Variants in MEIS2 observed in about 807,000 individuals in gnomAD.
MEIS2 encodes the protein homeobox protein Meis2.
Under a neutral mutation model 58.6 loss-of-function variants are expected in MEIS2, and 9 were observed. The observed-to-expected ratio is 0.15, with a 90% CI of 0.09 to 0.27. The LOEUF (loss-of-function observed/expected upper bound fraction) is 0.27. Ranked by LOEUF, MEIS2 falls within the 10% of genes least tolerant of loss-of-function variation. The pLI is 1.00. For synonymous variants in MEIS2, 221 were observed against 228.4 expected, an observed-to-expected ratio of 0.97 and a Z score of 0.29; for missense variants, 427 against 635.0, an observed-to-expected ratio of 0.67 and a Z score of 3.52.
chr15:37,068,612 T>A (rs1890274413), intron 7 of MEIS2, among the ~76,000 whole-genome samples: 1 of 152,148 alleles, frequency 6.6e-6, no homozygotes, highest in South Asian at 2.1e-4. Flanking sequence ...ACTAGATGAG[T>A]GGCCCTCCAT....
intron 7 of MEIS2, among the ~76,000 whole-genome samples, chr15:37,075,045 A>C (rs556399584): frequency 3.9e-5 from 6 of 152,080 alleles, no homozygotes; most frequent in Non-Finnish European, 7.4e-5. Context: ...AGGCTCCTTT[A>C]CCTGTGTGTG....
intron 7 of MEIS2, among the ~76,000 whole-genome samples, chr15:37,078,907 G>A (rs1343551330): frequency 6.6e-6 from 1 of 151,944 alleles, no homozygotes; most frequent in Non-Finnish European, 1.5e-5. Context: ...TCTCAAGTAA[G>A]TTGATACATA....
intron 8 of MEIS2, among the ~76,000 whole-genome samples, chr15:36,976,819 G>A (rs1051466189): frequency 9.2e-5 from 14 of 152,090 alleles, no homozygotes; most frequent in Non-Finnish European, 1.3e-4. Flanking sequence ...CCCTGCCTTC[G>A]AAAACTTAAA....
At chr15:37,009,985 C>G (rs1208278312) in intron 8 of MEIS2, among the ~76,000 whole-genome samples, 2 of 152,164 alleles carry the variant, frequency 1.3e-5, no homozygotes, top group African/African-American at 4.8e-5. Context: ...AATGTCCTTA[C>G]AGTTAATGGA....
At chr15:37,015,853 A>G (rs1021931976) in intron 8 of MEIS2, among the ~76,000 whole-genome samples, 4 of 152,044 alleles carry the variant, frequency 2.6e-5, no homozygotes, top group African/African-American at 7.2e-5. Context: ...ATGCTTTTAC[A>G]TTCTACATAT....
At chr15:36,899,806 T>C (rs2056377936) in intron 9 of MEIS2, among the ~76,000 whole-genome samples, 1 of 152,164 alleles carries the variant, frequency 6.6e-6, no homozygotes, top group African/African-American at 2.4e-5. Context: ...TTTTGATGAG[T>C]TAAGTGTAAA....
intron 8 of MEIS2, chr15:36,972,923 T>C (rs908229712): frequency 6.6e-6 from 1 of 152,150 alleles, no homozygotes; most frequent in African/African-American, 2.4e-5. Context: ...TAAGAAACAA[T>C]TTCTTTGTAT....
chr15:36,982,612 T>C (rs1354108799), intron 8 of MEIS2, among the ~76,000 whole-genome samples: 5 of 152,202 alleles, frequency 3.3e-5, no homozygotes, highest in Non-Finnish European at 1.5e-5. Flanking sequence ...GCAATGAACA[T>C]GGGAATGCAG....
intron 8 of MEIS2, among the ~76,000 whole-genome samples, chr15:36,956,650 A>T (rs1014377543): frequency 6.6e-6 from 1 of 152,206 alleles, no homozygotes; most frequent in Non-Finnish European, 1.5e-5. Context: ...TTGTCACTGA[A>T]TGAAGAGAAC....
At chr15:37,019,068 G>T (rs893063334) in intron 8 of MEIS2, among the ~76,000 whole-genome samples, 2 of 150,840 alleles carry the variant, frequency 1.3e-5, no homozygotes, top group African/African-American at 4.9e-5. Flanking sequence ...AATGAGAAGA[G>T]AAAAAGTAAT....
At chr15:36,916,996 T>G (rs758411345) in intron 9 of MEIS2, among the ~76,000 whole-genome samples, 1 of 152,156 alleles carries the variant, frequency 6.6e-6, no homozygotes, top group Non-Finnish European at 1.5e-5. Context: ...GATACACTCA[T>G]GCACACATAT....
At chr15:36,984,351 A>C (rs1049761304) in intron 8 of MEIS2, among the ~76,000 whole-genome samples, 1 of 152,080 alleles carries the variant, frequency 6.6e-6, no homozygotes, top group Non-Finnish European at 1.5e-5. Flanking sequence ...TGAGATGATC[A>C]TATGATTTTT....
chr15:37,028,802 C>T (rs2061799219), intron 8 of MEIS2, among the ~76,000 whole-genome samples: 1 of 152,294 alleles, frequency 6.6e-6, no homozygotes, highest in African/African-American at 2.4e-5. Context: ...AGCCCCAGCA[C>T]TCAGCACCCT....
intron 7 of MEIS2, among the ~76,000 whole-genome samples, chr15:37,072,291 C>A (rs116828312): frequency 0.034 from 5,160 of 152,122 alleles, 288 homozygotes; most frequent in African/African-American, 0.12. Context: ...CCTGGAAAAT[C>A]AGATTCCCAG....
rs533167442 is a variant in MEIS2 at position 36,892,321 on chromosome 15, A to G, written c.1286T>C (p.Leu429Ser). 81 of 1,613,858 alleles carry G rather than the reference A, an allele frequency of 5.0e-5. No individual in the cohort carries two copies. The highest frequency in any genetic ancestry group is 1.6e-4 in the Middle Eastern group (1 of 6,062). ...GGCTGGGTGGTGGGGATGGCTTGGC[A>G]AATATGAATGCATTGGGGGTCCATG... ...LRHGPPMHSYLPSHPHHPAMM... is the reference protein window; with the variant it reads ...LRHGPPMHSYSPSHPHHPAMM... The change falls in exon 12 of 12, where the codon TTG (leucine) becomes TCG (serine). Residue 429 changes from leucine (L) to serine (S), a missense_variant. By Grantham distance (145) the Leu-to-Ser change is moderately radical (BLOSUM62 -2). This residue lies in a region of MEIS2 where 154 missense variants were observed against 148.1 expected (regional missense o/e 1.04). Transcript: ENST00000561208.
intron 9 of MEIS2, among the ~76,000 whole-genome samples, chr15:36,937,134 A>G (rs975656611): frequency 6.6e-6 from 1 of 152,212 alleles, no homozygotes; most frequent in Non-Finnish European, 1.5e-5. Flanking sequence ...TATTGGAGGT[A>G]CACCACAAAT....
intron 8 of MEIS2, among the ~76,000 whole-genome samples, chr15:37,021,582 G>A (rs2061528552): frequency 6.6e-6 from 1 of 152,132 alleles, no homozygotes; most frequent in South Asian, 2.1e-4. Context: ...ACCTAAAAAT[G>A]TTCTTTCTCT....
intron 9 of MEIS2, among the ~76,000 whole-genome samples, chr15:36,920,984 A>AAAAAAC (rs376969986): frequency 5.3e-5 from 8 of 152,110 alleles, no homozygotes; most frequent in Admixed American, 2.6e-4. Flanking sequence ...AAGGGCCAGG[A>AAAAAAC]AAAAACAAAA....
rs925697557 is a variant in MEIS2, at chr15:36,890,079, C to G, written c.*2094G>C. On this transcript the variant is annotated 3_prime_UTR_variant, in exon 12 of 12. Coordinates refer to ENST00000561208, the MANE Select transcript of MEIS2 (RefSeq NM_170675.5). ...TCTGAAATGGAAAGATGGAAGAGCCCCAAATAATAACTATGGATTTCTTCC... is the reference window on the plus strand; with the variant it reads ...TCTGAAATGGAAAGATGGAAGAGCCGCAAATAATAACTATGGATTTCTTCC... The G allele has an allele frequency of 5.3e-5, 8 of 151,982 alleles. 1 individual carries two copies. The highest frequency in any genetic ancestry group is 9.7e-5 in the African/African-American group (4 of 41,392). 9.4% of individuals were successfully genotyped at this position (151,982 alleles called of 1,614,324 possible).
Sources: allele counts gnomAD v4.1 joint callset (sites outside exome capture counted in the v4.1 genomes callset), GRCh38; gene constraint gnomAD v4.1.1; regional missense constraint gnomAD v4.1.1; transcripts MANE v1.5; gene names NCBI Gene and HGNC (gene_info 2026-07-23, HGNC 2026-07-21).